PRKCA: variants seen among roughly 807,000 people sequenced by gnomAD.
PRKCA encodes protein kinase C alpha.
A neutral mutation model predicts 87.0 loss-of-function variants in PRKCA; 27 were observed. The ratio of observed to expected loss-of-function variants is 0.31; its 90% CI spans 0.23 to 0.43. The LOEUF is 0.43. Ranked by LOEUF, PRKCA falls within the 20% of genes least tolerant of loss-of-function variation. PRKCA has a pLI of 1.00. For missense variants in PRKCA, 518 were observed against 852.3 expected (o/e 0.61, Z 4.88); for synonymous variants, 329 against 311.1 (o/e 1.06, Z -0.61).
chr17:66,612,851 A>C (rs1231531916), intron 3 of PRKCA, among the ~76,000 whole-genome samples: 1 of 152,108 alleles, frequency 6.6e-6, no homozygotes, highest in East Asian at 1.9e-4. Flanking sequence ...GTTGAAGAAA[A>C]TTATCTTTTC....
chr17:66,544,897 A>G (rs1203718617), intron 3 of PRKCA, among the ~76,000 whole-genome samples: 2 of 152,148 alleles, frequency 1.3e-5, no homozygotes, highest in East Asian at 1.9e-4. Flanking sequence ...CCGACCACCA[A>G]TATCATTTTT....
chr17:66,736,673 A>G (rs1974037169), intron 10 of PRKCA, among the ~76,000 whole-genome samples: 1 of 152,246 alleles, frequency 6.6e-6, no homozygotes, highest in African/African-American at 2.4e-5. Context: ...TTCTTGTTCA[A>G]TGCCACACAA....
chr17:66,558,942 A>G (rs1405494292), intron 3 of PRKCA, among the ~76,000 whole-genome samples: 1 of 152,168 alleles, frequency 6.6e-6, no homozygotes, highest in Non-Finnish European at 1.5e-5. Flanking sequence ...ACTAAAGGCA[A>G]AACGGATGGT....
In PRKCA at chr17:66,765,454, A is replaced by ATATATATATATC. The variant is rs1218360664; in HGVS notation, c.1525-8532_1525-8531insATATATATATCT. 1.3e-3 allele frequency among the ~76,000 whole-genome samples: 165 copies of ATATATATATATC among 130,032 alleles called. 2 individuals carry two copies. The highest frequency in any genetic ancestry group is 2.7e-3 in the East Asian group (12 of 4,450). The allele number at this position is 130,032 out of a possible 152,430, so 85.3% of individuals were successfully genotyped here. A position where few individuals can be genotyped will look rare whatever the true frequency, so the allele number is the denominator to read the frequency against. ...TATATATATATATATATATATATAT[A>ATATATATATATC]TCCATATATATACATATTTGTCCAT... On this transcript the variant is annotated intron_variant, in intron 13 of 16. Transcript: ENST00000413366.
At chr17:66,750,351 C>T (rs760517201) in intron 13 of PRKCA, among the ~76,000 whole-genome samples, 12 of 152,260 alleles carry the variant, frequency 7.9e-5, no homozygotes, top group Non-Finnish European at 1.5e-4. Context: ...GTGACTCCAG[C>T]GTTGCAAGAG....
At chr17:66,796,939 C>T (rs2144409583) in intron 16 of PRKCA, 1 of 985,390 alleles carries the variant, frequency 1.0e-6, no homozygotes, top group Non-Finnish European at 1.2e-6. Flanking sequence ...CTTGCAACAT[C>T]CCTTTACTCT....
At chr17:66,791,463 C>T (rs1478809461) in intron 16 of PRKCA, among the ~76,000 whole-genome samples, 17 of 152,264 alleles carry the variant, frequency 1.1e-4, no homozygotes, top group East Asian at 7.7e-4. Context: ...GATAGAAGCA[C>T]GTGGCTGCAG....
chr17:66,614,303 A>AT (rs1404817001), intron 3 of PRKCA, among the ~76,000 whole-genome samples: 1 of 152,110 alleles, frequency 6.6e-6, no homozygotes, highest in East Asian at 1.9e-4. Flanking sequence ...CATCTCACAG[A>AT]TTTGGGGGCG....
chr17:66,725,842 G>A (rs1286505157), intron 8 of PRKCA, among the ~76,000 whole-genome samples: 1 of 151,884 alleles, frequency 6.6e-6, no homozygotes, highest in Admixed American at 6.6e-5. Context: ...GAAGGAATGT[G>A]TGTTAAGTTC....
intron 6 of PRKCA, among the ~76,000 whole-genome samples, chr17:66,687,997 C>T (rs1972674590): frequency 6.6e-6 from 1 of 152,190 alleles, no homozygotes; most frequent in Non-Finnish European, 1.5e-5. Context: ...CATATAGCCT[C>T]TGTTGCACCG....
intron 3 of PRKCA, among the ~76,000 whole-genome samples, chr17:66,625,638 C>CT: frequency 6.6e-6 from 1 of 152,326 alleles, no homozygotes; most frequent in South Asian, 2.1e-4. Context: ...CTTCTGTTCT[C>CT]TGTCTATTTG....
intron 2 of PRKCA, among the ~76,000 whole-genome samples, chr17:66,445,619 T>G (rs1036954431): frequency 1.3e-5 from 2 of 152,290 alleles, no homozygotes; most frequent in Admixed American, 6.5e-5. Context: ...CCTGAGGTGA[T>G]GCTCAGGACA....
intron 14 of PRKCA, among the ~76,000 whole-genome samples, chr17:66,782,764 A>T (rs1311192499): frequency 6.6e-6 from 1 of 152,108 alleles, no homozygotes; most frequent in Non-Finnish European, 1.5e-5. Flanking sequence ...GTAGCCGAGT[A>T]CCCTCTGCCT....
chr17:66,587,915 A>G (rs867516824), intron 3 of PRKCA, among the ~76,000 whole-genome samples: 4,407 of 136,972 alleles, frequency 0.032, 608 homozygotes, highest in African/African-American at 0.12. Flanking sequence ...ATATATATAT[A>G]TATATATATA....
At chr17:66,442,634 C>G (rs1470749996) in intron 2 of PRKCA, among the ~76,000 whole-genome samples, 1 of 152,132 alleles carries the variant, frequency 6.6e-6, no homozygotes, top group Non-Finnish European at 1.5e-5. Flanking sequence ...TTCATAGCCT[C>G]CATCCCAGCT....
At chr17:66,348,903 C>T (rs1199560200) in intron 2 of PRKCA, among the ~76,000 whole-genome samples, 3 of 152,142 alleles carry the variant, frequency 2.0e-5, no homozygotes, top group Non-Finnish European at 4.4e-5. Context: ...TTACAGGTCT[C>T]CAAAATAGAG....
chr17:66,488,880 G>A (rs549068070), intron 2 of PRKCA, among the ~76,000 whole-genome samples: 4 of 152,242 alleles, frequency 2.6e-5, no homozygotes, highest in African/African-American at 9.6e-5. Flanking sequence ...TGTTTTCATT[G>A]TTACAAATCT....
intron 1 of PRKCA, among the ~76,000 whole-genome samples, chr17:66,303,750 C>A (rs1327170845): frequency 6.6e-6 from 1 of 152,124 alleles, no homozygotes; most frequent in Non-Finnish European, 1.5e-5. Flanking sequence ...CGCCTGTAAT[C>A]CCAGCACTTT....
At chr17:66,633,932 C>G (rs1971087026) in intron 3 of PRKCA, among the ~76,000 whole-genome samples, 1 of 152,206 alleles carries the variant, frequency 6.6e-6, no homozygotes, top group South Asian at 2.1e-4. Context: ...TAGAATATGA[C>G]TTCCAGGTGG....
Sources: gnomAD v4.1 joint callset for allele counts (sites outside exome capture counted in the v4.1 genomes callset) on GRCh38, gnomAD v4.1.1 for gene constraint, MANE v1.5 for transcripts, NCBI Gene and HGNC (gene_info 2026-07-23, HGNC 2026-07-21) for gene names.